DNM3: variants seen among roughly 807,000 people sequenced by gnomAD.
The protein encoded by DNM3 is dynamin 3.
Under a neutral mutation model 101.6 loss-of-function variants are expected in DNM3, and 47 were observed. That is an observed-to-expected ratio of 0.46 (90% CI 0.37 to 0.59). The LOEUF is 0.59. Ranked by LOEUF, DNM3 falls within the 20% of genes least tolerant of loss-of-function variation. The probability of loss-of-function intolerance (pLI) is 0.00; values close to 1 mark genes in which losing one functional copy is unlikely to be tolerated. For synonymous variants in DNM3, 385 were observed against 387.9 expected (o/e 0.99, Z 0.09); for missense variants, 849 against 1,085.7 (o/e 0.78, Z 3.06).
intron 4 of DNM3, among the ~76,000 whole-genome samples, chr1:172,015,947 G>A (rs2047419450): frequency 6.6e-6 from 1 of 151,848 alleles, no homozygotes; most frequent in African/African-American, 2.4e-5. Context: ...AGGCCAAGGT[G>A]GGTGGATCAC....
At position 172,124,380 on chromosome 1, in the gene DNM3, G is replaced by T. The variant is rs185790143; in HGVS notation, c.1546-6795G>T. On this transcript the variant is annotated intron_variant, in intron 13 of 20. Coordinates refer to ENST00000627582, the MANE Select transcript of DNM3 (RefSeq NM_015569.5). ...CATGGCCGTCTATTGCAAAATTCAG[G>T]AATTTGCAGGGACCACAGCTCCAGT... Among the ~76,000 whole-genome samples, 10 of 152,300 alleles carry T rather than the reference G, an allele frequency of 6.6e-5. No homozygotes were observed. In the East Asian group the frequency reaches 1.9e-3, roughly 29 times the overall value.
chr1:171,958,290 G>A (rs149385444), intron 2 of DNM3, among the ~76,000 whole-genome samples: 325 of 152,282 alleles, frequency 2.1e-3, no homozygotes, highest in Non-Finnish European at 3.5e-3. Flanking sequence ...AATTGTGGGA[G>A]TTACAATTCA....
chr1:172,191,306 G>C (rs1260094532), intron 14 of DNM3, among the ~76,000 whole-genome samples: 1 of 152,140 alleles, frequency 6.6e-6, no homozygotes, highest in Non-Finnish European at 1.5e-5. Context: ...TGTGAGGTTT[G>C]TCAAAGATCA....
intron 1 of DNM3, among the ~76,000 whole-genome samples, chr1:171,888,637 A>T (rs553172428): frequency 6.6e-6 from 1 of 152,274 alleles, no homozygotes; most frequent in East Asian, 1.9e-4. Flanking sequence ...TGCTGTGTGG[A>T]TGTGTTAGCA....
chr1:171,859,830 C>T (rs888654275), intron 1 of DNM3, among the ~76,000 whole-genome samples: 12 of 152,056 alleles, frequency 7.9e-5, no homozygotes, highest in African/African-American at 2.7e-4. Flanking sequence ...AGCTGAAGGA[C>T]AAGGAATCAG....
At chr1:171,846,318 A>G (rs1395858337) in intron 1 of DNM3, among the ~76,000 whole-genome samples, 1 of 152,208 alleles carries the variant, frequency 6.6e-6, no homozygotes. Context: ...TATAACTAAG[A>G]TAACTAGACT....
chr1:172,096,961 A>G (rs2054284889), intron 13 of DNM3, among the ~76,000 whole-genome samples: 1 of 152,182 alleles, frequency 6.6e-6, no homozygotes, highest in African/African-American at 2.4e-5. Context: ...AACAGATTCA[A>G]AATATATTCA....
At chr1:172,152,637 C>T (rs1052200107) in intron 14 of DNM3, among the ~76,000 whole-genome samples, 5 of 152,032 alleles carry the variant, frequency 3.3e-5, no homozygotes, top group Non-Finnish European at 7.4e-5. Context: ...CTGTTGCATT[C>T]CCATACTATA....
At chr1:172,380,231 C>G (rs183880979) in intron 18 of DNM3, among the ~76,000 whole-genome samples, 1 of 151,908 alleles carries the variant, frequency 6.6e-6, no homozygotes, top group Admixed American at 6.6e-5. Flanking sequence ...GGGATTTGTT[C>G]CAGAAGATGG....
intron 11 of DNM3, among the ~76,000 whole-genome samples, chr1:172,069,229 A>C (rs1358677874): frequency 6.6e-6 from 1 of 152,156 alleles, no homozygotes; most frequent in East Asian, 1.9e-4. Flanking sequence ...CTAATCCAGA[A>C]ACATACCACA....
chr1:172,318,645 A>G (rs1303856977), intron 16 of DNM3, among the ~76,000 whole-genome samples: 3 of 152,190 alleles, frequency 2.0e-5, no homozygotes, highest in Admixed American at 6.5e-5. Context: ...CAATTGCTTC[A>G]AAGAGAATAA....
At chr1:172,076,862 A>G (rs567241007) in intron 11 of DNM3, among the ~76,000 whole-genome samples, 3 of 152,058 alleles carry the variant, frequency 2.0e-5, no homozygotes, top group African/African-American at 7.2e-5. Context: ...CTCTTTTTCT[A>G]TTGTTTGGAA....
chr1:172,120,034 T>C (rs886193073), intron 13 of DNM3, among the ~76,000 whole-genome samples: 1 of 152,180 alleles, frequency 6.6e-6, no homozygotes, highest in East Asian at 1.9e-4. Context: ...CTTTTTCCTC[T>C]CTCGAATCTC....
intron 4 of DNM3, among the ~76,000 whole-genome samples, chr1:171,994,691 T>G (rs1424929088): frequency 6.7e-6 from 1 of 150,130 alleles, no homozygotes; most frequent in African/African-American, 2.5e-5. Context: ...TCCTTTTAAG[T>G]TTTTTGGTTA....
rs200887496 is a variant in DNM3, at chr1:172,387,673, G to A, written c.2285+314G>A. On this transcript the variant is annotated intron_variant, in intron 19 of 20. Coordinates refer to ENST00000627582, the MANE Select transcript of DNM3 (RefSeq NM_015569.5). ...ACTCCGTCTCAAAAAAAAAAAAGAA[G>A]ATGGACCCACCCACAACCCCTGAGC... Among the ~76,000 whole-genome samples the A allele has an allele frequency of 1.7e-3, 260 of 150,956 alleles. 3 individuals carry two copies. Among genetic ancestry groups the A allele is most frequent in the Admixed American group, 0.012 (181 of 15,170 alleles).
intron 13 of DNM3, among the ~76,000 whole-genome samples, chr1:172,114,080 G>A (rs527465117): frequency 6.6e-6 from 1 of 152,274 alleles, no homozygotes; most frequent in East Asian, 1.9e-4. Flanking sequence ...AAAGACAAAT[G>A]AGCAAGAAGA....
intron 2 of DNM3, among the ~76,000 whole-genome samples, chr1:171,940,006 C>T (rs908508340): frequency 3.3e-5 from 5 of 152,086 alleles, no homozygotes; most frequent in African/African-American, 1.2e-4. Context: ...GATCAGTAGT[C>T]ACTGACCACG....
At chr1:171,972,341 T>C (rs1240311166) in intron 2 of DNM3, among the ~76,000 whole-genome samples, 1 of 152,234 alleles carries the variant, frequency 6.6e-6, no homozygotes, top group Non-Finnish European at 1.5e-5. Context: ...TGTTTCTACA[T>C]GCAAAATCAC....
At chr1:172,056,988 G>C (rs1011581943) in intron 10 of DNM3, among the ~76,000 whole-genome samples, 10 of 151,986 alleles carry the variant, frequency 6.6e-5, no homozygotes, top group Non-Finnish European at 1.3e-4. Context: ...CCAATACAGA[G>C]AAGTGCTTAA....
Sources: gnomAD v4.1 joint callset for allele counts (sites outside exome capture counted in the v4.1 genomes callset) on GRCh38, gnomAD v4.1.1 for gene constraint, MANE v1.5 for transcripts, NCBI Gene and HGNC (gene_info 2026-07-23, HGNC 2026-07-21) for gene names.